The following CABCOCO1 variants were observed in gnomAD, a reference collection of about 807,000 sequenced individuals.
The protein encoded by CABCOCO1 is ciliary associated calcium binding coiled-coil 1.
CABCOCO1 carries 28 observed loss-of-function variants against 35.7 expected under a neutral mutation model. The observed-to-expected ratio is 0.78, with a 90% CI of 0.58 to 1.07. The LOEUF (loss-of-function observed/expected upper bound fraction) is 1.07, where lower values mean the gene tolerates loss of function less well. CABCOCO1 is among the 50% of genes least tolerant of loss of function. The pLI is 0.00. For missense variants in CABCOCO1, 326 were observed against 309.2 expected, an observed-to-expected ratio of 1.05 and a Z score of -0.41; for synonymous variants, 95 against 100.1, an observed-to-expected ratio of 0.95 and a Z score of 0.30.
intron 5 of CABCOCO1, among the ~76,000 whole-genome samples, chr10:61,719,920 C>CAAA (rs34712304): frequency 1.1e-5 from 1 of 87,978 alleles, no homozygotes; most frequent in African/African-American, 4.3e-5. Context: ...GACTCCATCT[C>CAAA]AAAAAAAAAA....
intron 5 of CABCOCO1, among the ~76,000 whole-genome samples, chr10:61,756,392 T>A (rs1248575214): frequency 6.6e-6 from 1 of 152,100 alleles, no homozygotes; most frequent in South Asian, 2.1e-4. Flanking sequence ...TTATTGTATG[T>A]TCACTTAACA....
intron 5 of CABCOCO1, among the ~76,000 whole-genome samples, chr10:61,748,063 G>A (rs1841702048): frequency 6.6e-6 from 1 of 152,056 alleles, no homozygotes; most frequent in Non-Finnish European, 1.5e-5. Flanking sequence ...AGCATAGGAT[G>A]AATATGGAAA....
intron 1 of CABCOCO1, among the ~76,000 whole-genome samples, chr10:61,668,436 A>G (rs749434205): frequency 1.3e-5 from 2 of 152,040 alleles, no homozygotes; most frequent in Non-Finnish European, 2.9e-5. Context: ...AAGTAAAACT[A>G]CAAGTGTAAA....
chr10:61,699,840 A>G (rs1351864915), intron 5 of CABCOCO1, among the ~76,000 whole-genome samples: 1 of 152,136 alleles, frequency 6.6e-6, no homozygotes, highest in East Asian at 1.9e-4. Flanking sequence ...ATTCCATGAG[A>G]TCTGGGTAAC....
chr10:61,714,807 T>C (rs555438938), intron 5 of CABCOCO1, among the ~76,000 whole-genome samples: 1 of 152,322 alleles, frequency 6.6e-6, no homozygotes, highest in East Asian at 1.9e-4. Context: ...TCAGTTTCCA[T>C]GTAGTTGTGC....
intron 5 of CABCOCO1, among the ~76,000 whole-genome samples, chr10:61,709,516 A>C (rs544133272): frequency 3.3e-5 from 5 of 152,140 alleles, no homozygotes; most frequent in African/African-American, 1.2e-4. Context: ...TTTCACAGTA[A>C]GTGCCTAGTG....
In CABCOCO1 at chr10:61,766,094, G is replaced by C; in HGVS notation, c.*81G>C. Reference sequence around the variant, plus strand: ...AGAATAACAGACTCTCTGGAGCGTCGTGTCTCCATCACTTAGTTGTGAAAG... The same window carrying C: ...AGAATAACAGACTCTCTGGAGCGTCCTGTCTCCATCACTTAGTTGTGAAAG... On this transcript the variant is annotated 3_prime_UTR_variant, in exon 8 of 8. Coordinates refer to ENST00000648843, the MANE Select transcript of CABCOCO1 (RefSeq NM_001366906.2). 3 of 1,266,470 alleles carry C rather than the reference G, an allele frequency of 2.4e-6. No individual in the cohort carries two copies. The highest frequency in any genetic ancestry group is 2.2e-6 in the Non-Finnish European group (2 of 895,684). The allele number at this position is 1,266,470 out of a possible 1,614,324, so 78.5% of individuals were successfully genotyped here.
At chr10:61,748,877 A>G (rs1337779822) in intron 5 of CABCOCO1, among the ~76,000 whole-genome samples, 2 of 152,178 alleles carry the variant, frequency 1.3e-5, no homozygotes, top group Non-Finnish European at 2.9e-5. Context: ...GTACAGCTGT[A>G]TAATTCCTTT....
At chr10:61,685,429 C>T (rs1345052239) in intron 3 of CABCOCO1, 2 of 152,182 alleles carry the variant, frequency 1.3e-5, no homozygotes, top group Admixed American at 1.3e-4. Flanking sequence ...AAAGAAAAAA[C>T]AAATGCTTTT....
intron 5 of CABCOCO1, among the ~76,000 whole-genome samples, chr10:61,695,602 G>C (rs1276089597): frequency 2.0e-5 from 3 of 151,880 alleles, no homozygotes; most frequent in Non-Finnish European, 4.4e-5. Context: ...AATGAAAGAT[G>C]AAGACAATCT....
At chr10:61,739,635 G>T (rs1324995564) in intron 5 of CABCOCO1, among the ~76,000 whole-genome samples, 1 of 152,042 alleles carries the variant, frequency 6.6e-6, no homozygotes, top group Admixed American at 6.6e-5. Context: ...TATAGCAACG[G>T]TAATGGAAAG....
At chr10:61,677,061 T>C (rs576996387) in intron 2 of CABCOCO1, among the ~76,000 whole-genome samples, 5 of 120,876 alleles carry the variant, frequency 4.1e-5, no homozygotes, top group African/African-American at 6.8e-5. Context: ...TGAGACTCTG[T>C]CTCAAAAAAT....
At chr10:61,690,669 C>T (rs761269755) in intron 5 of CABCOCO1, 48 bp downstream of exon 5, 2 of 1,208,512 alleles carry the variant, frequency 1.7e-6, no homozygotes, top group Non-Finnish European at 2.4e-6. Flanking sequence ...TCACTTAATG[C>T]ATGCTGATCA....
Position 61,690,417 on chromosome 10 carries a change from T to G in CABCOCO1, c.480-132T>G, listed in dbSNP as rs1025641955. ...CAATTTCTTTTGGAATAAAGGAGGA[T>G]GCTAAGTCTGTTTTAGTGTCTGATA... On this transcript the variant is annotated intron_variant, in intron 4 of 7. Transcript: ENST00000648843. 7.1e-6 allele frequency: 4 copies of G among 563,236 alleles called. No individual in the cohort carries two copies. In the East Asian group the frequency reaches 1.2e-4, roughly 17 times the overall value. 34.9% of individuals were successfully genotyped at this position (563,236 alleles called of 1,614,324 possible). A position where few individuals can be genotyped will look rare whatever the true frequency, so the allele number is the denominator to read the frequency against.
chr10:61,757,700 GACACACACACACACACACACAC>G (rs67841126), intron 5 of CABCOCO1, among the ~76,000 whole-genome samples: 1 of 147,770 alleles, frequency 6.8e-6, no homozygotes, highest in Non-Finnish European at 1.5e-5. Flanking sequence ...CACACACACA[GACACACACACACACACACACAC>G]ACAGTGCCAA....
intron 1 of CABCOCO1, among the ~76,000 whole-genome samples, chr10:61,663,515 C>T (rs569948978): frequency 7.9e-5 from 12 of 152,196 alleles, no homozygotes; most frequent in East Asian, 1.9e-4. Context: ...TAACTGTTTA[C>T]TGGTGATGGA....
chr10:61,759,907 G>A lies in CABCOCO1; in HGVS notation c.553-152G>A, dbSNP rs1049013666. On this transcript the variant is annotated intron_variant, in intron 5 of 7. Transcript: ENST00000648843. Reference sequence around the variant, plus strand: ...GAAATGGAGCTCAAAAAGCACTAGAGGACAAAAAGGGCAATGGCATCAAAA... The same window carrying A: ...GAAATGGAGCTCAAAAAGCACTAGAAGACAAAAAGGGCAATGGCATCAAAA... The A allele has an allele frequency of 2.5e-5, 23 of 929,644 alleles. No homozygotes were observed. The Middle Eastern group carries it at 6.7e-4, about 27-fold the overall frequency. The allele number at this position is 929,644 out of a possible 1,614,324, so 57.6% of individuals were successfully genotyped here. A position where few individuals can be genotyped will look rare whatever the true frequency, so the allele number is the denominator to read the frequency against.
intron 5 of CABCOCO1, among the ~76,000 whole-genome samples, chr10:61,752,756 T>G (rs1488881364): frequency 6.6e-6 from 1 of 152,028 alleles, no homozygotes; most frequent in Non-Finnish European, 1.5e-5. Flanking sequence ...CTCTAAAGAT[T>G]TCATAGCACT....
intron 5 of CABCOCO1, among the ~76,000 whole-genome samples, chr10:61,753,985 A>G (rs1191205064): frequency 6.6e-6 from 1 of 152,162 alleles, no homozygotes; most frequent in Admixed American, 6.6e-5. Context: ...CATCCTCAAT[A>G]TGGCTATTCT....
Sources: allele counts gnomAD v4.1 joint callset (sites outside exome capture counted in the v4.1 genomes callset), GRCh38; gene constraint gnomAD v4.1.1; transcripts MANE v1.5; gene names NCBI Gene and HGNC (gene_info 2026-07-23, HGNC 2026-07-21).